Variants in MEOX2 observed in about 807,000 individuals in gnomAD.
The protein encoded by MEOX2 is mesenchyme homeobox 2, also known as homeobox protein MOX-2.
A neutral mutation model predicts 27.0 loss-of-function variants in MEOX2; 11 were observed. The observed-to-expected ratio is 0.41, with a 90% CI of 0.26 to 0.68. MEOX2 has a LOEUF of 0.68. Ranked by LOEUF, MEOX2 falls within the 30% of genes least tolerant of loss-of-function variation. MEOX2 has a pLI of 0.33. For synonymous variants in MEOX2, 189 were observed against 155.4 expected (o/e 1.22, Z -1.61); for missense variants, 436 against 385.4 (o/e 1.13, Z -1.10).
At chr7:15,616,480 A>T (rs1324494056) in intron 2 of MEOX2, among the ~76,000 whole-genome samples, 1 of 151,950 alleles carries the variant, frequency 6.6e-6, no homozygotes, top group Non-Finnish European at 1.5e-5. Flanking sequence ...ATTCCAGGTT[A>T]TAAATCAATA....
chr7:15,636,375 T>C (rs1173575044), intron 1 of MEOX2, among the ~76,000 whole-genome samples: 1 of 151,958 alleles, frequency 6.6e-6, no homozygotes, highest in Non-Finnish European at 1.5e-5. Flanking sequence ...TTATAAACAA[T>C]AATAAATAAT....
chr7:15,619,077 C>T (rs551507639), intron 2 of MEOX2, among the ~76,000 whole-genome samples: 1 of 152,022 alleles, frequency 6.6e-6, no homozygotes, highest in African/African-American at 2.4e-5. Context: ...TGTCAGTTCT[C>T]TTAGGCCTGG....
chr7:15,686,041 C>G lies in MEOX2; in HGVS notation c.362G>C (p.Gly121Ala), dbSNP rs575381387. 1.2e-6 allele frequency: 2 copies of G among 1,605,602 alleles called. No homozygotes were observed. The highest frequency in any genetic ancestry group is 1.7e-6 in the Non-Finnish European group (2 of 1,178,814). Residue 121 changes from glycine to alanine, a missense_variant, in exon 1 of 3, where the codon GGG becomes GCG. By Grantham distance (60) the Gly-to-Ala change is moderately conservative. Transcript: ENST00000262041. ...GGAGCACAGGACGGGCGGGCTGCTC[C>G]CCAACTCTGGGGGCCCTCCAGAGTC... is the stretch of plus-strand genomic sequence containing the variant. Reference protein sequence around the residue: ...QPDSGGPPELGSSPPVLCSNS... With the variant: ...QPDSGGPPELASSPPVLCSNS...
At chr7:15,644,821 A>G (rs34460507) in intron 1 of MEOX2, among the ~76,000 whole-genome samples, 15,044 of 152,270 alleles carry the variant, frequency 0.099, 877 homozygotes, top group Middle Eastern at 0.21. Context: ...ACAATTTGCC[A>G]CTTCCCATGA....
intron 1 of MEOX2, among the ~76,000 whole-genome samples, chr7:15,644,128 C>A (rs903534111): frequency 1.3e-5 from 2 of 152,152 alleles, no homozygotes; most frequent in African/African-American, 4.8e-5. Flanking sequence ...TAGCAGACAG[C>A]AGGAGCTGCA....
At chr7:15,666,780 ATATAT>A (rs370873798) in intron 1 of MEOX2, among the ~76,000 whole-genome samples, 10 of 21,770 alleles carry the variant, frequency 4.6e-4, no homozygotes, top group African/African-American at 1.3e-3. Context: ...AAAAAAAAAA[ATATAT>A]ATATATATAT....
intron 1 of MEOX2, among the ~76,000 whole-genome samples, chr7:15,667,155 G>C (rs1782021060): frequency 6.6e-6 from 1 of 151,448 alleles, no homozygotes; most frequent in South Asian, 2.1e-4. Flanking sequence ...GCTGGGTGTG[G>C]TGGCACACGC....
At chr7:15,618,157 T>C (rs17334243) in intron 2 of MEOX2, among the ~76,000 whole-genome samples, 102,099 of 151,734 alleles carry the variant, frequency 0.67, 34,580 homozygotes, top group East Asian at 0.81. Flanking sequence ...CCTTTATACC[T>C]GGTAAAATTC....
intron 1 of MEOX2, 24 bp downstream of exon 1, chr7:15,685,862 C>G: frequency 6.4e-7 from 1 of 1,563,452 alleles, no homozygotes; most frequent in Non-Finnish European, 8.6e-7. Flanking sequence ...CGCGCACTCT[C>G]GAGGGTGCCT....
At chr7:15,659,432 A>T (rs1583776022) in intron 1 of MEOX2, among the ~76,000 whole-genome samples, 1 of 152,144 alleles carries the variant, frequency 6.6e-6, no homozygotes, top group African/African-American at 2.4e-5. Flanking sequence ...GTGTCAAAGT[A>T]TCTGTAATGT....
chr7:15,685,883 T>C lies in MEOX2; in HGVS notation c.517+3A>G. The C allele has an allele frequency of 1.9e-6, 3 of 1,592,516 alleles. No homozygotes were observed. The highest frequency in any genetic ancestry group is 2.6e-6 in the Non-Finnish European group (3 of 1,170,414). On this transcript the variant is annotated splice_donor_region_variant and intron_variant, in intron 1 of 2. Coordinates refer to ENST00000262041, the MANE Select transcript of MEOX2 (RefSeq NM_005924.5). ...CTCTCGAGGGTGCCTGGCGCGCCCT[T>C]ACCTGAGCTGTCGCTTTTCCTCTTG... is the stretch of plus-strand genomic sequence containing the variant.
In MEOX2 at chr7:15,686,354, G is replaced by C. The variant is rs1265783889; in HGVS notation, c.49C>G (p.Gln17Glu). ...GCLRSPHATA[Q>E]GLHPFSQSSL... is the part of the protein sequence containing the mutation. ...GATTGGGAGAACGGGTGCAAGCCTT[G>C]CGCCGTGGCGTGAGGGCTGCGCAGG... Residue 17 changes from glutamine (Q) to glutamate (E), a missense_variant, in exon 1 of 3, where the codon CAA becomes GAA. Transcript: ENST00000262041. The C allele has an allele frequency of 6.3e-7, 1 of 1,594,226 alleles. No individual in the cohort carries two copies. The highest frequency in any genetic ancestry group is 1.3e-5 in the African/African-American group (1 of 74,528).
intron 1 of MEOX2, among the ~76,000 whole-genome samples, chr7:15,683,100 T>G (rs1038198187): frequency 6.6e-6 from 1 of 151,958 alleles, no homozygotes; most frequent in African/African-American, 2.4e-5. Context: ...CTAGAGAAGC[T>G]TACGTATTAT....
intron 1 of MEOX2, among the ~76,000 whole-genome samples, chr7:15,656,275 A>G (rs1781818849): frequency 6.6e-6 from 1 of 151,808 alleles, no homozygotes; most frequent in Non-Finnish European, 1.5e-5. Flanking sequence ...TACACAATAA[A>G]TGGTTGGTTC....
At position 15,628,990 on chromosome 7, in the gene MEOX2, T is replaced by C. The variant is rs115460270; in HGVS notation, c.518-2072A>G. Reference sequence around the variant, plus strand: ...CCCTGCTTTGCCTAAAATCTGTGGCTGATTATTCTTTATGTGGAGACAATG... The same window carrying C: ...CCCTGCTTTGCCTAAAATCTGTGGCCGATTATTCTTTATGTGGAGACAATG... On this transcript the variant is annotated intron_variant, in intron 1 of 2. Transcript: ENST00000262041. 1.6e-3 allele frequency among the ~76,000 whole-genome samples: 245 copies of C among 152,200 alleles called. 1 individual carries two copies. Among genetic ancestry groups the C allele is most frequent in the African/African-American group, 5.7e-3 (236 of 41,544 alleles).
chr7:15,675,053 G>A (rs1782170355), intron 1 of MEOX2, among the ~76,000 whole-genome samples: 1 of 151,942 alleles, frequency 6.6e-6, no homozygotes, highest in African/African-American at 2.4e-5. Context: ...ATACAATATA[G>A]GTAATGCTCA....
At chr7:15,622,622 T>C (rs1781238214) in intron 2 of MEOX2, among the ~76,000 whole-genome samples, 1 of 152,170 alleles carries the variant, frequency 6.6e-6, no homozygotes, top group African/African-American at 2.4e-5. Context: ...ATTAGATATT[T>C]TACATGTGGA....
intron 1 of MEOX2, among the ~76,000 whole-genome samples, chr7:15,673,135 G>A (rs986352801): frequency 1.3e-5 from 2 of 152,114 alleles, no homozygotes; most frequent in African/African-American, 4.8e-5. Flanking sequence ...CAAGAACTGT[G>A]CACCTAAGCC....
chr7:15,640,072 C>A (rs1002354921), intron 1 of MEOX2, among the ~76,000 whole-genome samples: 5 of 151,958 alleles, frequency 3.3e-5, no homozygotes, highest in Admixed American at 3.3e-4. Flanking sequence ...TCACTTTGGG[C>A]AAATATAGTC....
Sources: allele counts gnomAD v4.1 joint callset (sites outside exome capture counted in the v4.1 genomes callset), GRCh38; gene constraint gnomAD v4.1.1; transcripts MANE v1.5; gene names NCBI Gene and HGNC (gene_info 2026-07-23, HGNC 2026-07-21).